Variants in PLPPR1 observed in about 807,000 individuals in gnomAD.
The protein encoded by PLPPR1 is phospholipid phosphatase related 1, also known as phospholipid phosphatase-related protein type 1.
A neutral mutation model predicts 33.1 loss-of-function variants in PLPPR1; 10 were observed. The ratio of observed to expected loss-of-function variants is 0.30; its 90% CI spans 0.19 to 0.51. The LOEUF is 0.51. PLPPR1 is among the 20% of genes least tolerant of loss of function. The pLI is 0.97. For synonymous variants in PLPPR1, 151 were observed against 151.0 expected (o/e 1.00, Z 0.00); for missense variants, 304 against 408.1 (o/e 0.74, Z 2.20).
At chr9:101,211,251 G>C (rs147785499) in intron 2 of PLPPR1, among the ~76,000 whole-genome samples, 2,029 of 152,212 alleles carry the variant, frequency 0.013, 23 homozygotes, top group Middle Eastern at 0.027. Context: ...ACTATCAACC[G>C]GGCCTTGGTG....
At chr9:101,095,398 C>T (rs963096151) in intron 1 of PLPPR1, among the ~76,000 whole-genome samples, 1 of 152,070 alleles carries the variant, frequency 6.6e-6, no homozygotes, top group African/African-American at 2.4e-5. Context: ...GGTTCCTGGT[C>T]TGGATCTTTC....
At chr9:101,318,125 G>A (rs541522697) in intron 7 of PLPPR1, among the ~76,000 whole-genome samples, 1 of 152,262 alleles carries the variant, frequency 6.6e-6, no homozygotes, top group South Asian at 2.1e-4. Flanking sequence ...GAAGCCAAGA[G>A]TTGAAGACCA....
At chr9:101,096,501 C>T (rs114217155) in intron 1 of PLPPR1, among the ~76,000 whole-genome samples, 1,902 of 152,192 alleles carry the variant, frequency 0.012, 45 homozygotes, top group African/African-American at 0.044. Context: ...ATGCATAAGA[C>T]CTGAGTGAAC....
chr9:101,073,803 C>T (rs1372155548), intron 1 of PLPPR1, among the ~76,000 whole-genome samples: 5 of 152,308 alleles, frequency 3.3e-5, no homozygotes, highest in East Asian at 3.9e-4. Flanking sequence ...GTTCCTTACA[C>T]GGATTTCCAT....
intron 1 of PLPPR1, among the ~76,000 whole-genome samples, chr9:101,049,346 A>G (rs1190016251): frequency 6.6e-6 from 1 of 152,248 alleles, no homozygotes; most frequent in Non-Finnish European, 1.5e-5. Flanking sequence ...TAACAAGAAG[A>G]CATTGAATAA....
chr9:101,050,950 T>A (rs761926239), intron 1 of PLPPR1, among the ~76,000 whole-genome samples: 1 of 152,172 alleles, frequency 6.6e-6, no homozygotes, highest in Non-Finnish European at 1.5e-5. Context: ...GTCAATCGAG[T>A]GTTTCATCCA....
At chr9:101,042,896 C>T (rs1197238254) in intron 1 of PLPPR1, among the ~76,000 whole-genome samples, 1 of 152,236 alleles carries the variant, frequency 6.6e-6, no homozygotes, top group East Asian at 1.9e-4. Flanking sequence ...TCTTCTGCCC[C>T]TTTTCTCCAG....
At chr9:101,293,257 C>T (rs1277229309) in intron 4 of PLPPR1, among the ~76,000 whole-genome samples, 1 of 151,416 alleles carries the variant, frequency 6.6e-6, no homozygotes, top group African/African-American at 2.5e-5. Context: ...AGCTAACTAT[C>T]CTAAATATAT....
At chr9:101,167,622 A>G (rs1489036513) in intron 1 of PLPPR1, among the ~76,000 whole-genome samples, 1 of 152,068 alleles carries the variant, frequency 6.6e-6, no homozygotes. Flanking sequence ...TCAAAGGGCA[A>G]TGGAGAGGAA....
At chr9:101,154,651 A>T (rs1160254164) in intron 1 of PLPPR1, among the ~76,000 whole-genome samples, 1 of 152,118 alleles carries the variant, frequency 6.6e-6, no homozygotes, top group African/African-American at 2.4e-5. Flanking sequence ...TGCTATAAAG[A>T]CACATGCACA....
intron 1 of PLPPR1, among the ~76,000 whole-genome samples, chr9:101,090,650 G>A (rs1371112305): frequency 4.6e-5 from 7 of 151,956 alleles, no homozygotes; most frequent in Non-Finnish European, 7.4e-5. Context: ...CCTGGGAGGC[G>A]GAGTTTGCAG....
At chr9:101,201,339 G>A (rs2771074) in intron 2 of PLPPR1, among the ~76,000 whole-genome samples, 137,205 of 152,270 alleles carry the variant, frequency 0.9, 61,920 homozygotes, top group East Asian at 0.95. Flanking sequence ...TTGCAACTCT[G>A]TACTGTTAAA....
At chr9:101,250,009 C>T (rs1050323596) in intron 2 of PLPPR1, among the ~76,000 whole-genome samples, 7 of 152,034 alleles carry the variant, frequency 4.6e-5, no homozygotes, top group Non-Finnish European at 8.8e-5. Context: ...GAATTAAATC[C>T]GTGCTGCCTA....
At chr9:101,147,546 G>A (rs1343323007) in intron 1 of PLPPR1, among the ~76,000 whole-genome samples, 1 of 152,078 alleles carries the variant, frequency 6.6e-6, no homozygotes, top group Non-Finnish European at 1.5e-5. Context: ...GAGAAAAAGA[G>A]ACCCAGGAAA....
At chr9:101,229,146 G>A (rs1321382690) in intron 2 of PLPPR1, among the ~76,000 whole-genome samples, 1 of 152,128 alleles carries the variant, frequency 6.6e-6, no homozygotes, top group African/African-American at 2.4e-5. Flanking sequence ...TTGGATCAGA[G>A]CCACAATGAT....
intron 1 of PLPPR1, among the ~76,000 whole-genome samples, chr9:101,125,003 A>C (rs1025265796): frequency 2.6e-5 from 4 of 152,180 alleles, no homozygotes; most frequent in African/African-American, 9.7e-5. Context: ...CCTCCCCTCC[A>C]TTCCTTTTAT....
At chr9:101,177,397 T>C (rs937227059) in intron 1 of PLPPR1, among the ~76,000 whole-genome samples, 1 of 152,238 alleles carries the variant, frequency 6.6e-6, no homozygotes, top group Non-Finnish European at 1.5e-5. Flanking sequence ...TCATAATTTC[T>C]TTTTCAGACA....
chr9:101,256,185 C>G (rs1420060888), intron 2 of PLPPR1, among the ~76,000 whole-genome samples: 2 of 152,146 alleles, frequency 1.3e-5, no homozygotes, highest in Non-Finnish European at 2.9e-5. Context: ...GAACTGCATC[C>G]TCTCTTTTGA....
chr9:101,147,503 G>A (rs977827458), intron 1 of PLPPR1, among the ~76,000 whole-genome samples: 12 of 152,092 alleles, frequency 7.9e-5, no homozygotes, highest in African/African-American at 2.2e-4. Flanking sequence ...CATAGAGACC[G>A]ATGAATTAAG....
Sources: allele counts gnomAD v4.1 joint callset (sites outside exome capture counted in the v4.1 genomes callset), GRCh38; gene constraint gnomAD v4.1.1; transcripts MANE v1.5; gene names NCBI Gene and HGNC (gene_info 2026-07-23, HGNC 2026-07-21).